The following HMG20A variants were observed in gnomAD, a reference collection of about 807,000 sequenced individuals.
HMG20A encodes high mobility group protein 20A.
In HMG20A, 17 loss-of-function variants were observed where a neutral mutation model predicts 43.9. The observed-to-expected ratio is 0.39, with a 90% CI of 0.27 to 0.58. The LOEUF (loss-of-function observed/expected upper bound fraction) is 0.58. Ranked by LOEUF, HMG20A falls within the 20% of genes least tolerant of loss-of-function variation. The pLI is 0.59. For missense variants in HMG20A, 341 were observed against 438.2 expected (o/e 0.78, Z 1.98); for synonymous variants, 132 against 147.5 (o/e 0.89, Z 0.76).
At chr15:77,456,634 C>CAAAAA in intron 1 of HMG20A, among the ~76,000 whole-genome samples, 1 of 95,370 alleles carries the variant, frequency 1.0e-5, no homozygotes, top group Non-Finnish European at 2.1e-5. Context: ...GCGAGACTGT[C>CAAAAA]AAAAAAAAAA....
At chr15:77,498,938 C>G in the HMG20A span, among the ~76,000 whole-genome samples, 1 of 152,070 alleles carries the variant, frequency 6.6e-6, no homozygotes. Flanking sequence ...TTTTATAAGT[C>G]CATTATTCCT....
intron 1 of HMG20A, among the ~76,000 whole-genome samples, chr15:77,455,619 C>A (rs187659985): frequency 2.6e-5 from 4 of 152,228 alleles, no homozygotes; most frequent in African/African-American, 9.6e-5. Context: ...GTATAAAGTG[C>A]AGTGAAGAGC....
chr15:77,465,457 A>T (rs1337239179), intron 3 of HMG20A, among the ~76,000 whole-genome samples: 1 of 148,444 alleles, frequency 6.7e-6, no homozygotes, highest in African/African-American at 2.5e-5. Context: ...GTGCGGTGGC[A>T]CAATTTCAGC....
At chr15:77,458,145 A>G in intron 1 of HMG20A, 1 of 297,286 alleles carries the variant, frequency 3.4e-6, no homozygotes, top group Non-Finnish European at 6.3e-6. Context: ...GGATAAATAA[A>G]AAGGAATTTT....
chr15:77,480,508 G>A (rs2072896892), intron 9 of HMG20A, among the ~76,000 whole-genome samples: 1 of 151,270 alleles, frequency 6.6e-6, no homozygotes, highest in South Asian at 2.1e-4. Context: ...AGCTACTCAG[G>A]AGGCTGAGGC....
Position 77,484,995 on chromosome 15 carries a change from A to G in HMG20A, c.*2032A>G, listed in dbSNP as rs965197445. 6.6e-6 allele frequency: 1 copy of G among 152,276 alleles called. No homozygotes were observed. Among genetic ancestry groups the G allele is most frequent in the East Asian group, 1.9e-4 (1 of 5,204 alleles). 9.4% of individuals were successfully genotyped at this position (152,276 alleles called of 1,614,324 possible). ...ACCAGAAAAGGCCATAACATGGTCCAGGATCATCATTCTTCTGACTCTAGA... is the reference window on the plus strand; with the variant it reads ...ACCAGAAAAGGCCATAACATGGTCCGGGATCATCATTCTTCTGACTCTAGA... On this transcript the variant is annotated 3_prime_UTR_variant, in exon 10 of 10. Transcript: ENST00000336216.
chr15:77,467,366 A>G, intron 4 of HMG20A, 59 bp downstream of exon 4: 1 of 1,421,206 alleles, frequency 7.0e-7, no homozygotes, highest in Non-Finnish European at 9.8e-7. Flanking sequence ...GAAATAACTT[A>G]TATAAGAAAA....
the HMG20A span, among the ~76,000 whole-genome samples, chr15:77,502,634 G>A: frequency 1.3e-5 from 2 of 152,106 alleles, no homozygotes; most frequent in African/African-American, 4.8e-5. Context: ...GTATAGCAGG[G>A]CCCAGCACAA....
intron 1 of HMG20A, among the ~76,000 whole-genome samples, chr15:77,447,474 G>C (rs2073687178): frequency 6.6e-6 from 1 of 152,056 alleles, no homozygotes; most frequent in South Asian, 2.1e-4. Flanking sequence ...TTCCATTGAG[G>C]GGGCAAAAGG....
intron 1 of HMG20A, among the ~76,000 whole-genome samples, chr15:77,453,299 TAAAC>T (rs1451369068): frequency 1.3e-5 from 2 of 152,026 alleles, no homozygotes; most frequent in Non-Finnish European, 2.9e-5. Flanking sequence ...CCAAAACAGA[TAAAC>T]AAATGCACAA....
the HMG20A span, among the ~76,000 whole-genome samples, chr15:77,500,563 CTT>C: frequency 0.024 from 3,484 of 144,680 alleles, 107 homozygotes; most frequent in African/African-American, 0.076. Flanking sequence ...CCTCCCTGTT[CTT>C]TTTTTTTTTT....
chr15:77,513,359 G>A, the HMG20A span, among the ~76,000 whole-genome samples: 1 of 152,018 alleles, frequency 6.6e-6, no homozygotes, highest in Non-Finnish European at 1.5e-5. Flanking sequence ...CCACTCCTGG[G>A]GACAGAGCCA....
chr15:77,480,859 G>C (rs1050401452), intron 9 of HMG20A, among the ~76,000 whole-genome samples: 3 of 151,706 alleles, frequency 2.0e-5, no homozygotes, highest in African/African-American at 7.3e-5. Flanking sequence ...CACAAAACTG[G>C]CATCCCTTTG....
intron 1 of HMG20A, among the ~76,000 whole-genome samples, chr15:77,443,379 G>GATT (rs58715798): frequency 0.065 from 8,575 of 131,170 alleles, 327 homozygotes; most frequent in Non-Finnish European, 0.082. Context: ...TGATGATGAT[G>GATT]ATTATTATTA....
At chr15:77,456,717 T>C (rs1318446320) in intron 1 of HMG20A, among the ~76,000 whole-genome samples, 1 of 152,002 alleles carries the variant, frequency 6.6e-6, no homozygotes, top group Admixed American at 6.6e-5. Flanking sequence ...TCACTATGGT[T>C]AGTCTGTATG....
At chr15:77,448,158 C>T (rs936169592) in intron 1 of HMG20A, among the ~76,000 whole-genome samples, 5 of 152,196 alleles carry the variant, frequency 3.3e-5, no homozygotes, top group Non-Finnish European at 7.3e-5. Flanking sequence ...GTTGCAGTCG[C>T]TTCCCAAATG....
At chr15:77,479,088 A>C (rs933762880) in intron 8 of HMG20A, 91 bp from the exon 9 acceptor site, 3 of 1,233,840 alleles carry the variant, frequency 2.4e-6, no homozygotes, top group Non-Finnish European at 3.6e-6. Flanking sequence ...TGTGGAGCAG[A>C]CCACATTAGA....
At chr15:77,467,494 G>C (rs2072767697) in intron 4 of HMG20A, among the ~76,000 whole-genome samples, 187 bp downstream of exon 4, 1 of 152,130 alleles carries the variant, frequency 6.6e-6, no homozygotes, top group East Asian at 1.9e-4. Flanking sequence ...TTTGCTAGAG[G>C]GGTGTGAGCA....
At chr15:77,422,517 G>T (rs1191904708) in intron 1 of HMG20A, among the ~76,000 whole-genome samples, 1 of 152,194 alleles carries the variant, frequency 6.6e-6, no homozygotes, top group Non-Finnish European at 1.5e-5. Flanking sequence ...TCAGGAGGCT[G>T]AGGCAGGAGA....
Sources: allele counts gnomAD v4.1 joint callset (sites outside exome capture counted in the v4.1 genomes callset), GRCh38; gene constraint gnomAD v4.1.1; transcripts MANE v1.5; gene names NCBI Gene and HGNC (gene_info 2026-07-23, HGNC 2026-07-21).